The following CNTN1 variants were observed in gnomAD, a reference collection of about 807,000 sequenced individuals.
CNTN1 encodes the protein contactin-1.
CNTN1 carries 38 observed loss-of-function variants against 126.4 expected under a neutral mutation model. The ratio of observed to expected loss-of-function variants is 0.30; its 90% CI spans 0.23 to 0.39. The LOEUF (loss-of-function observed/expected upper bound fraction) is 0.39. Ranked by LOEUF, CNTN1 falls within the 10% of genes least tolerant of loss-of-function variation. The probability of loss-of-function intolerance (pLI) is 1.00; values close to 1 mark genes in which losing one functional copy is unlikely to be tolerated. For missense variants in CNTN1, 1,009 were observed against 1,248.4 expected, an observed-to-expected ratio of 0.81 and a Z score of 2.89; for synonymous variants, 413 against 422.6, an observed-to-expected ratio of 0.98 and a Z score of 0.28.
chr12:40,856,957 A>G (rs1942934451), intron 1 of CNTN1, among the ~76,000 whole-genome samples: 1 of 152,156 alleles, frequency 6.6e-6, no homozygotes, highest in South Asian at 2.1e-4. Context: ...TGTTTTACAA[A>G]CATATACTTA....
At chr12:40,733,029 C>A (rs926350740) in intron 1 of CNTN1, among the ~76,000 whole-genome samples, 2 of 151,936 alleles carry the variant, frequency 1.3e-5, no homozygotes, top group Non-Finnish European at 2.9e-5. Flanking sequence ...CAGTACGGAG[C>A]CTAGAAGCTT....
intron 23 of CNTN1, among the ~76,000 whole-genome samples, chr12:41,063,781 C>T (rs1268101515): frequency 6.6e-6 from 1 of 152,146 alleles, no homozygotes; most frequent in Non-Finnish European, 1.5e-5. Context: ...AAGAATTTTT[C>T]ATTAGTGTTG....
chr12:41,005,806 C>A (rs1018577045), intron 17 of CNTN1, among the ~76,000 whole-genome samples: 1 of 152,076 alleles, frequency 6.6e-6, no homozygotes, highest in Admixed American at 6.6e-5. Flanking sequence ...TCTATTTTTT[C>A]TGTCAGTTCC....
intron 1 of CNTN1, among the ~76,000 whole-genome samples, chr12:40,810,470 G>A (rs561697117): frequency 2.6e-5 from 4 of 152,158 alleles, no homozygotes; most frequent in South Asian, 4.1e-4. Flanking sequence ...CATGTTTTAC[G>A]TGAGGTCTCT....
chr12:41,055,250 G>A (rs1474387611), intron 23 of CNTN1, among the ~76,000 whole-genome samples: 1 of 152,048 alleles, frequency 6.6e-6, no homozygotes, highest in Non-Finnish European at 1.5e-5. Context: ...ATAAGCAGTG[G>A]CTTAGAATAA....
At chr12:40,742,808 A>T (rs1045309887) in intron 1 of CNTN1, among the ~76,000 whole-genome samples, 1 of 152,086 alleles carries the variant, frequency 6.6e-6, no homozygotes, top group African/African-American at 2.4e-5. Flanking sequence ...CTCCTCAATC[A>T]TTAATCAAAT....
intron 18 of CNTN1, 77 bp from the exon 19 acceptor site, chr12:41,016,605 G>T (rs750744979): frequency 1.1e-6 from 1 of 901,564 alleles, no homozygotes; most frequent in Non-Finnish European, 1.8e-6. Context: ...GCCTCCGTGT[G>T]TGTCATTATC....
chr12:41,027,881 T>C lies in CNTN1; in HGVS notation c.2735T>C (p.Ile912Thr), dbSNP rs1443582077. The change falls in exon 22 of 24, where the codon ATC becomes ACC. Residue 912 changes from isoleucine to threonine, a missense_variant. Ile to Thr is a moderately conservative substitution (Grantham distance 89, BLOSUM62 -1). Transcript: ENST00000551295. The part of the protein sequence containing the change: ...KAPPSQPPRI[I>T]SSVRSGSRYI... The stretch of plus-strand genomic sequence containing the variant: ...GCTCCTAGCCAGCCTCCAAGGATCA[T>C]CAGTTCAGTAAGGTCTGGTTCACGC... 2 of 1,613,668 alleles carry C rather than the reference T, an allele frequency of 1.2e-6. No individual in the cohort carries two copies. The highest frequency in any genetic ancestry group is 1.1e-5 in the South Asian group (1 of 91,084).
intron 1 of CNTN1, among the ~76,000 whole-genome samples, chr12:40,697,740 A>G (rs1941486700): frequency 6.6e-6 from 1 of 152,168 alleles, no homozygotes; most frequent in Non-Finnish European, 1.5e-5. Context: ...GGCTCTGGGG[A>G]CACATAAAAT....
At chr12:40,977,627 G>T (rs568356802) in intron 15 of CNTN1, among the ~76,000 whole-genome samples, 8 of 152,242 alleles carry the variant, frequency 5.3e-5, no homozygotes, top group African/African-American at 1.9e-4. Context: ...CTGCCAGGTA[G>T]CTAAGATGCT....
intron 1 of CNTN1, among the ~76,000 whole-genome samples, chr12:40,819,587 C>A (rs755069998): frequency 1.3e-5 from 2 of 152,184 alleles, no homozygotes; most frequent in Non-Finnish European, 2.9e-5. Flanking sequence ...CCCTTCCCCC[C>A]GCCCAGGGAG....
chr12:41,055,415 TTCC>T (rs1294274206), intron 23 of CNTN1, among the ~76,000 whole-genome samples: 1 of 152,120 alleles, frequency 6.6e-6, no homozygotes, highest in African/African-American at 2.4e-5. Flanking sequence ...TTAGTGTGTT[TTCC>T]TCCTCCTCCA....
intron 17 of CNTN1, among the ~76,000 whole-genome samples, chr12:41,007,044 GGTTT>G (rs1948510355): frequency 7.3e-5 from 9 of 123,488 alleles, no homozygotes; most frequent in African/African-American, 2.5e-4. Flanking sequence ...AGTTTTGTGT[GGTTT>G]TTTTTTTTTT....
rs373977669 is a variant in CNTN1 at position 40,934,457 on chromosome 12, A to C, written c.985+579A>C. On this transcript the variant is annotated intron_variant, in intron 9 of 23. Transcript: ENST00000551295. ...TTTTTTTTTTTTTGACAAAATTATCATGGCACAAACCTTTGATTTTCACAC... is the reference window on the plus strand; with the variant it reads ...TTTTTTTTTTTTTGACAAAATTATCCTGGCACAAACCTTTGATTTTCACAC... Among the ~76,000 whole-genome samples, 10 of 150,248 alleles carry C rather than the reference A, an allele frequency of 6.7e-5. No individual in the cohort carries two copies. In the East Asian group the frequency reaches 1.9e-3, roughly 29 times the overall value.
intron 1 of CNTN1, among the ~76,000 whole-genome samples, chr12:40,761,473 C>T (rs1050000753): frequency 9.9e-5 from 15 of 152,054 alleles, no homozygotes; most frequent in African/African-American, 3.6e-4. Flanking sequence ...ATATATGATT[C>T]AGTCAGTTTT....
chr12:40,808,828 TAAAC>T (rs945770732), intron 1 of CNTN1, among the ~76,000 whole-genome samples: 19 of 152,038 alleles, frequency 1.2e-4, no homozygotes, highest in East Asian at 3.8e-4. Flanking sequence ...AACGAACAAA[TAAAC>T]AAACAAACAA....
chr12:40,744,400 TG>T (rs1938093199), intron 1 of CNTN1, among the ~76,000 whole-genome samples: 1 of 151,996 alleles, frequency 6.6e-6, no homozygotes, highest in Non-Finnish European at 1.5e-5. Context: ...ATTTCTGGAA[TG>T]GAATAGCCTG....
rs79462829 is a variant in CNTN1 at position 40,969,765 on chromosome 12, T to C, written c.1804+10531T>C. 1.0e-3 allele frequency among the ~76,000 whole-genome samples: 159 copies of C among 152,306 alleles called. 1 individual carries two copies. The highest frequency in any genetic ancestry group is 3.8e-3 in the African/African-American group (156 of 41,576). ...GCCAACACCTTCACCTAAAAGTGCA[T>C]TGGGATGCAAGTGAGTGAGAGTTAG... On this transcript the variant is annotated intron_variant, in intron 15 of 23. Transcript: ENST00000551295.
At chr12:40,739,096 A>G (rs559053465) in intron 1 of CNTN1, among the ~76,000 whole-genome samples, 10 of 152,108 alleles carry the variant, frequency 6.6e-5, no homozygotes, top group Non-Finnish European at 1.3e-4. Context: ...TCAGTATGTT[A>G]TAAAGCTCCT....
Sources: gnomAD v4.1 joint callset for allele counts (sites outside exome capture counted in the v4.1 genomes callset) on GRCh38, gnomAD v4.1.1 for gene constraint, MANE v1.5 for transcripts, NCBI Gene and HGNC (gene_info 2026-07-23, HGNC 2026-07-21) for gene names.